RALGAPB: variants seen among roughly 807,000 people sequenced by gnomAD.
The protein encoded by RALGAPB is ral GTPase-activating protein subunit beta.
In RALGAPB, 25 loss-of-function variants were observed where a neutral mutation model predicts 161.1. That is an observed-to-expected ratio of 0.16 (90% confidence interval 0.11 to 0.22). The LOEUF (loss-of-function observed/expected upper bound fraction) is 0.22, where lower values mean the gene tolerates loss of function less well. RALGAPB is among the 10% of genes least tolerant of loss of function. The pLI is 1.00. For missense variants in RALGAPB, 1,391 were observed against 1,815.2 expected (o/e 0.77, Z 4.25); for synonymous variants, 629 against 626.1 (o/e 1.00, Z -0.07).
chr20:38,567,914 C>G (rs998265960), intron 26 of RALGAPB, among the ~76,000 whole-genome samples: 5 of 151,986 alleles, frequency 3.3e-5, no homozygotes, highest in African/African-American at 9.7e-5. Context: ...AGGTTTTTAC[C>G]TTTAAAATTG....
At position 38,527,282 on chromosome 20, in the gene RALGAPB, A is replaced by G. The variant is rs1222678275; in HGVS notation, c.2050+1240A>G. ...GAGGAGGTGGGGTGTATGTCCTTCC[A>G]ACAGGAACACAATCCTTGAAATGGT... is the stretch of plus-strand genomic sequence containing the variant. On this transcript the variant is annotated intron_variant, in intron 13 of 29. Transcript: ENST00000262879. 6.6e-5 allele frequency among the ~76,000 whole-genome samples: 10 copies of G among 152,296 alleles called. No homozygotes were observed. In the South Asian group the frequency reaches 2.1e-3, roughly 32 times the overall value.
At chr20:38,490,284 C>G (rs867952744) in intron 2 of RALGAPB, among the ~76,000 whole-genome samples, 3 of 152,190 alleles carry the variant, frequency 2.0e-5, no homozygotes, top group Admixed American at 6.5e-5. Flanking sequence ...TCTTGGCTCA[C>G]TGCAAGCTCC....
chr20:38,567,869 T>G (rs1157216442), intron 26 of RALGAPB, among the ~76,000 whole-genome samples: 1 of 152,192 alleles, frequency 6.6e-6, no homozygotes, highest in East Asian at 1.9e-4. Context: ...AAAGTTATTT[T>G]TAATGTAAGT....
At chr20:38,488,144 C>T (rs1167165496) in intron 1 of RALGAPB, among the ~76,000 whole-genome samples, 2 of 152,160 alleles carry the variant, frequency 1.3e-5, no homozygotes, top group Non-Finnish European at 2.9e-5. Flanking sequence ...AGAAACATTG[C>T]TTGCCTTTAT....
intron 26 of RALGAPB, chr20:38,568,994 AGAAAG>A (rs2088119058): frequency 6.6e-6 from 1 of 152,168 alleles, no homozygotes. Context: ...CTTGATACTA[AGAAAG>A]TAGTCTGTGA....
chr20:38,537,368 G>T (rs995696337), intron 16 of RALGAPB, among the ~76,000 whole-genome samples: 1 of 152,166 alleles, frequency 6.6e-6, no homozygotes, highest in Non-Finnish European at 1.5e-5. Context: ...GCTGGGCATG[G>T]TGACTCATGC....
intron 28 of RALGAPB, among the ~76,000 whole-genome samples, chr20:38,573,155 C>T (rs535292373): frequency 2.0e-4 from 31 of 151,794 alleles, no homozygotes; most frequent in African/African-American, 7.0e-4. Flanking sequence ...TGGTCTCGAA[C>T]TCCTGGGCTC....
chr20:38,505,828 C>T (rs933213277), intron 5 of RALGAPB, among the ~76,000 whole-genome samples: 3 of 151,972 alleles, frequency 2.0e-5, no homozygotes, highest in African/African-American at 7.3e-5. Context: ...AAGTTATACC[C>T]GTATAACTCT....
intron 1 of RALGAPB, among the ~76,000 whole-genome samples, chr20:38,482,248 G>A (rs925907827): frequency 2.0e-5 from 3 of 152,092 alleles, no homozygotes; most frequent in Non-Finnish European, 2.9e-5. Context: ...TCATCTGCAT[G>A]TTGAGTAGGC....
intron 1 of RALGAPB, among the ~76,000 whole-genome samples, chr20:38,487,021 G>A (rs1429143305): frequency 6.6e-6 from 1 of 152,162 alleles, no homozygotes; most frequent in Admixed American, 6.6e-5. Context: ...ATGAACATCC[G>A]GTAATAGGCA....
intron 19 of RALGAPB, chr20:38,547,425 G>A (rs1329571823): frequency 6.6e-6 from 1 of 152,186 alleles, no homozygotes; most frequent in African/African-American, 2.4e-5. Context: ...GAGGGTATAT[G>A]ACTTGCCCAG....
At chr20:38,550,392 T>A (rs1374733216) in intron 20 of RALGAPB, among the ~76,000 whole-genome samples, 1 of 152,220 alleles carries the variant, frequency 6.6e-6, no homozygotes, top group Non-Finnish European at 1.5e-5. Flanking sequence ...CTAAAATCAT[T>A]TAATATCTTA....
chr20:38,494,873 A>T (rs2085375971), intron 3 of RALGAPB, among the ~76,000 whole-genome samples: 1 of 152,204 alleles, frequency 6.6e-6, no homozygotes, highest in South Asian at 2.1e-4. Flanking sequence ...TGATGAAAAA[A>T]AATTAATGGC....
intron 3 of RALGAPB, among the ~76,000 whole-genome samples, chr20:38,495,947 A>C (rs2085415485): frequency 1.3e-5 from 2 of 152,204 alleles, no homozygotes; most frequent in Admixed American, 1.3e-4. Flanking sequence ...GAAGGGTGTC[A>C]GTCCCAGGGC....
At chr20:38,489,677 G>T (rs1397770307) in intron 2 of RALGAPB, among the ~76,000 whole-genome samples, 2 of 151,994 alleles carry the variant, frequency 1.3e-5, no homozygotes, top group African/African-American at 4.8e-5. Context: ...TTTTCTGTTT[G>T]CTTTTTGGTT....
intron 3 of RALGAPB, among the ~76,000 whole-genome samples, chr20:38,495,395 T>C (rs2085396800): frequency 6.6e-6 from 1 of 152,182 alleles, no homozygotes; most frequent in Admixed American, 6.5e-5. Flanking sequence ...TAGAAAAACA[T>C]ATTATTGTTC....
intron 28 of RALGAPB, among the ~76,000 whole-genome samples, chr20:38,571,163 C>T (rs2088223325): frequency 6.6e-6 from 1 of 152,128 alleles, no homozygotes; most frequent in Non-Finnish European, 1.5e-5. Context: ...CTGAACACTT[C>T]TACCATCTCC....
At chr20:38,558,485 G>C in intron 23 of RALGAPB, 32 bp downstream of exon 23, 1 of 1,467,570 alleles carries the variant, frequency 6.8e-7, no homozygotes, top group Non-Finnish European at 9.2e-7. Flanking sequence ...TTTTTGGTAT[G>C]TTTTTGTGCT....
In RALGAPB at chr20:38,539,910, G is replaced by A; in HGVS notation, c.2514G>A (p.Gln838=). The change falls in exon 17 of 30, where the codon CAG becomes CAA. Residue 838 remains glutamine, a synonymous_variant. Coordinates refer to ENST00000262879, the MANE Select transcript of RALGAPB (RefSeq NM_020336.4). The stretch of plus-strand genomic sequence containing the variant: ...ACTCCATGATAGTGGCAGCTTTTCA[G>A]TGTCTCTGTGTCTGGCTGACAGAGC... The part of the protein sequence containing the change: ...DLHSMIVAAF[Q]CLCVWLTEHP... 2 of 1,614,090 alleles carry A rather than the reference G, an allele frequency of 1.2e-6. No homozygotes were observed. Among genetic ancestry groups the A allele is most frequent in the Non-Finnish European group, 1.7e-6 (2 of 1,179,952 alleles).
Sources: allele counts gnomAD v4.1 joint callset (sites outside exome capture counted in the v4.1 genomes callset), GRCh38; gene constraint gnomAD v4.1.1; transcripts MANE v1.5; gene names NCBI Gene and HGNC (gene_info 2026-07-23, HGNC 2026-07-21).